The following SLC39A11 variants were observed in gnomAD, a reference collection of about 807,000 sequenced individuals.
SLC39A11 encodes the protein zinc transporter ZIP11.
A neutral mutation model predicts 36.1 loss-of-function variants in SLC39A11; 33 were observed. That is an observed-to-expected ratio of 0.91 (90% CI 0.69 to 1.22). The LOEUF (loss-of-function observed/expected upper bound fraction) is 1.22, where lower values mean the gene tolerates loss of function less well. Ranked by LOEUF, SLC39A11 falls within the 50% of genes most tolerant of loss-of-function variation. SLC39A11 has a pLI of 0.00. For missense variants in SLC39A11, 432 were observed against 430.3 expected (o/e 1.00, Z -0.03); for synonymous variants, 166 against 170.3 (o/e 0.97, Z 0.20).
At position 72,665,130 on chromosome 17, in the gene SLC39A11, T is replaced by C. The variant is rs185942356; in HGVS notation, c.672-15862A>G. ...AGCCAGTTGCCATACTGTGAGAATATTCAAGCAGCCATGTGGAGGTGCCTA... is the reference window on the plus strand; with the variant it reads ...AGCCAGTTGCCATACTGTGAGAATACTCAAGCAGCCATGTGGAGGTGCCTA... On this transcript the variant is annotated intron_variant, in intron 7 of 9. Coordinates refer to ENST00000255559, the MANE Select transcript of SLC39A11 (RefSeq NM_139177.4). Among the ~76,000 whole-genome samples, 5 of 152,284 alleles carry C rather than the reference T, an allele frequency of 3.3e-5. No individual in the cohort carries two copies. The East Asian group carries it at 7.7e-4, about 24-fold the overall frequency.
chr17:73,086,339 A>AT (rs34812115), intron 2 of SLC39A11, among the ~76,000 whole-genome samples: 3,010 of 147,122 alleles, frequency 0.02, 52 homozygotes, highest in South Asian at 0.07. Context: ...TTCAATACAG[A>AT]TTTTTTTTTT....
At chr17:72,981,730 A>G (rs947918804) in intron 4 of SLC39A11, among the ~76,000 whole-genome samples, 2 of 152,216 alleles carry the variant, frequency 1.3e-5, no homozygotes, top group African/African-American at 4.8e-5. Flanking sequence ...AAAAATCTAC[A>G]TGGTTGGAAG....
At chr17:72,775,527 T>A (rs2076102293) in intron 6 of SLC39A11, among the ~76,000 whole-genome samples, 2 of 151,880 alleles carry the variant, frequency 1.3e-5, no homozygotes, top group Admixed American at 1.3e-4. Flanking sequence ...ATGGTGCAAC[T>A]CAGTGAGAAG....
chr17:72,893,021 A>AG (rs1160362600), intron 5 of SLC39A11, among the ~76,000 whole-genome samples: 3 of 152,224 alleles, frequency 2.0e-5, no homozygotes, highest in Non-Finnish European at 2.9e-5. Flanking sequence ...GATTTCAAAT[A>AG]CTGTGCCAAT....
chr17:72,988,795 G>A (rs113805753), intron 4 of SLC39A11, among the ~76,000 whole-genome samples: 14 of 151,978 alleles, frequency 9.2e-5, no homozygotes, highest in South Asian at 2.1e-4. Context: ...TGCAACCTCC[G>A]CCTCCCAGGT....
At chr17:72,922,634 T>G (rs550332639) in intron 5 of SLC39A11, among the ~76,000 whole-genome samples, 1 of 152,272 alleles carries the variant, frequency 6.6e-6, no homozygotes, top group Non-Finnish European at 1.5e-5. Context: ...TGAGTAGAAC[T>G]ACTGCCAGGA....
At chr17:72,818,735 C>T (rs2077665815) in intron 6 of SLC39A11, 1 of 152,146 alleles carries the variant, frequency 6.6e-6, no homozygotes, top group Admixed American at 6.5e-5. Flanking sequence ...TTACCTGTCC[C>T]TCCCAGGCTC....
intron 6 of SLC39A11, among the ~76,000 whole-genome samples, chr17:72,799,136 A>G (rs1037538087): frequency 1.3e-5 from 2 of 152,200 alleles, no homozygotes; most frequent in Admixed American, 1.3e-4. Flanking sequence ...CGGAGGGACC[A>G]GCTGGAGCTG....
At chr17:72,964,869 T>C (rs573299700) in intron 4 of SLC39A11, among the ~76,000 whole-genome samples, 4 of 152,110 alleles carry the variant, frequency 2.6e-5, no homozygotes, top group Non-Finnish European at 5.9e-5. Flanking sequence ...CCATCAATGA[T>C]AGACTGGATT....
intron 5 of SLC39A11, among the ~76,000 whole-genome samples, chr17:72,878,768 T>C (rs900530641): frequency 1.1e-4 from 16 of 152,164 alleles, no homozygotes; most frequent in African/African-American, 3.6e-4. Context: ...CCCACCAACA[T>C]GGAGTGGGGG....
chr17:73,035,568 G>C (rs958938684), intron 3 of SLC39A11, among the ~76,000 whole-genome samples: 4 of 152,146 alleles, frequency 2.6e-5, no homozygotes, highest in African/African-American at 9.7e-5. Flanking sequence ...CCTGGAGATG[G>C]GGAGATGATA....
At chr17:73,020,884 T>C (rs1028120385) in intron 4 of SLC39A11, among the ~76,000 whole-genome samples, 2 of 151,978 alleles carry the variant, frequency 1.3e-5, no homozygotes, top group African/African-American at 4.8e-5. Context: ...GGTTTTACCA[T>C]ATTGGCCAGT....
At chr17:72,959,138 C>G (rs953930091) in intron 4 of SLC39A11, among the ~76,000 whole-genome samples, 10 of 151,426 alleles carry the variant, frequency 6.6e-5, no homozygotes, top group African/African-American at 2.2e-4. Context: ...AGTACAAATA[C>G]CATTTGATCC....
At chr17:72,809,199 T>TTCTCTTTCTCTCTC (rs964473693) in intron 6 of SLC39A11, among the ~76,000 whole-genome samples, 5 of 102,328 alleles carry the variant, frequency 4.9e-5, no homozygotes, top group African/African-American at 1.4e-4. Context: ...TTTCTTTTCT[T>TTCTCTTTCTCTCTC]TCTCTCTCTC....
At chr17:72,990,785 T>A (rs1375270044) in intron 4 of SLC39A11, among the ~76,000 whole-genome samples, 1 of 152,160 alleles carries the variant, frequency 6.6e-6, no homozygotes, top group African/African-American at 2.4e-5. Flanking sequence ...TACACTAAAA[T>A]CTTACAGTGT....
At chr17:72,854,686 T>C (rs1366523173) in intron 5 of SLC39A11, among the ~76,000 whole-genome samples, 1 of 152,156 alleles carries the variant, frequency 6.6e-6, no homozygotes, top group Admixed American at 6.5e-5. Flanking sequence ...TTTTTTAACT[T>C]ATAATTGAGC....
intron 3 of SLC39A11, among the ~76,000 whole-genome samples, chr17:73,035,645 C>T (rs1377635281): frequency 3.3e-5 from 5 of 151,862 alleles, no homozygotes; most frequent in African/African-American, 4.8e-5. Flanking sequence ...GGGTCAGAGT[C>T]GTGAGGTCAG....
chr17:73,004,244 G>GGAA (rs2090059912), intron 4 of SLC39A11, among the ~76,000 whole-genome samples: 2 of 146,700 alleles, frequency 1.4e-5, no homozygotes, highest in East Asian at 2.1e-4. Context: ...AAGAAAGAAA[G>GGAA]AGAAAAAGCA....
chr17:72,675,129 G>A (rs562306752), intron 7 of SLC39A11, among the ~76,000 whole-genome samples: 15 of 152,058 alleles, frequency 9.9e-5, no homozygotes, highest in Non-Finnish European at 2.2e-4. Flanking sequence ...ATAGCGCTAT[G>A]GTCTAATGTG....
Sources: gnomAD v4.1 joint callset for allele counts (sites outside exome capture counted in the v4.1 genomes callset) on GRCh38, gnomAD v4.1.1 for gene constraint, MANE v1.5 for transcripts, NCBI Gene and HGNC (gene_info 2026-07-23, HGNC 2026-07-21) for gene names.